Variants in TENM4 observed in about 807,000 individuals in gnomAD.
The protein encoded by TENM4 is teneurin transmembrane protein 4, also known as teneurin-4.
Under a neutral mutation model 243.3 loss-of-function variants are expected in TENM4, and 82 were observed. The ratio of observed to expected loss-of-function variants is 0.34; its 90% CI spans 0.28 to 0.40. The LOEUF (loss-of-function observed/expected upper bound fraction) is 0.40, where lower values mean the gene tolerates loss of function less well. Among genes scored for constraint, TENM4 ranks in the 10% least tolerant of loss-of-function variants. TENM4 has a pLI of 1.00. For synonymous variants in TENM4, 1,412 were observed against 1,456.3 expected (o/e 0.97, Z 0.69); for missense variants, 3,138 against 3,673.3 (o/e 0.85, Z 3.77).
chr11:78,933,446 T>G (rs1004440901), intron 6 of TENM4, among the ~76,000 whole-genome samples: 1 of 152,174 alleles, frequency 6.6e-6, no homozygotes, highest in Non-Finnish European at 1.5e-5. Flanking sequence ...TAAGGCATAA[T>G]TAAAGATTAG....
Position 78,669,093 on chromosome 11 carries a change from G to T in TENM4, c.7252C>A (p.Arg2418=). Residue 2418 remains arginine (R), a synonymous_variant, in exon 32 of 34, where the codon CGG becomes AGG. Coordinates refer to ENST00000278550, the MANE Select transcript of TENM4 (RefSeq NM_001098816.3). This position sits in a 1 kb window ranked among gnomAD's most constrained non-coding sequence, Gnocchi z 6.4. ...DPLTKLVHMG[R]RDYDVLAGRW... ...CCGGCCAGCACATCATAATCTCGCCGGCCCATGTGGACAAGCTTGGTGAGT... is the reference window on the plus strand; with the variant it reads ...CCGGCCAGCACATCATAATCTCGCCTGCCCATGTGGACAAGCTTGGTGAGT... The T allele has an allele frequency of 6.2e-7, 1 of 1,613,718 alleles. No homozygotes were observed. The highest frequency in any genetic ancestry group is 8.5e-7 in the Non-Finnish European group (1 of 1,179,804).
chr11:78,755,425 T>C (rs1856283711), intron 19 of TENM4, among the ~76,000 whole-genome samples: 1 of 152,136 alleles, frequency 6.6e-6, no homozygotes, highest in Non-Finnish European at 1.5e-5. Flanking sequence ...CGCCTGAGCC[T>C]CCCAGGGTGT....
At chr11:79,397,360 A>G (rs182031734) in intron 1 of TENM4, among the ~76,000 whole-genome samples, 71 of 152,318 alleles carry the variant, frequency 4.7e-4, no homozygotes, top group Non-Finnish European at 1.3e-4. Context: ...TAACTGGAAC[A>G]AAGCTGGAAA....
intron 28 of TENM4, among the ~76,000 whole-genome samples, chr11:78,696,885 T>C (rs1858980685): frequency 6.6e-6 from 1 of 152,134 alleles, no homozygotes; most frequent in African/African-American, 2.4e-5. Flanking sequence ...ATTTCTTTTC[T>C]TCCCTCATTC....
At chr11:78,947,476 A>G (rs1457380689) in intron 6 of TENM4, among the ~76,000 whole-genome samples, 1 of 152,220 alleles carries the variant, frequency 6.6e-6, no homozygotes, top group African/African-American at 2.4e-5. Flanking sequence ...GGAGACAGAC[A>G]AGACTTTATT....
intron 9 of TENM4, among the ~76,000 whole-genome samples, chr11:78,869,883 T>C (rs1003912430): frequency 1.3e-5 from 2 of 152,218 alleles, no homozygotes; most frequent in Non-Finnish European, 2.9e-5. Flanking sequence ...AGATAGTTTG[T>C]TAAGAGGCTT....
chr11:79,048,849 C>T (rs1219739967), intron 6 of TENM4, among the ~76,000 whole-genome samples: 1 of 152,140 alleles, frequency 6.6e-6, no homozygotes, highest in Non-Finnish European at 1.5e-5. Context: ...ACAGGATGGG[C>T]AGGGGCCATT....
At chr11:78,947,984 G>C (rs1445844788) in intron 6 of TENM4, among the ~76,000 whole-genome samples, 2 of 152,074 alleles carry the variant, frequency 1.3e-5, no homozygotes, top group African/African-American at 4.8e-5. Flanking sequence ...ATGAAAAAAA[G>C]CACCCAATCT....
chr11:79,210,199 C>G (rs1863930769), intron 3 of TENM4, among the ~76,000 whole-genome samples: 1 of 152,170 alleles, frequency 6.6e-6, no homozygotes, highest in South Asian at 2.1e-4. Context: ...TTTGACTTCC[C>G]AGTTCTCATC....
chr11:79,183,759 G>A (rs868399798), intron 3 of TENM4, among the ~76,000 whole-genome samples: 1 of 151,972 alleles, frequency 6.6e-6, no homozygotes, highest in Non-Finnish European at 1.5e-5. Flanking sequence ...ATGAATGAAC[G>A]AATGACTCAA....
intron 18 of TENM4, among the ~76,000 whole-genome samples, chr11:78,762,900 G>A (rs1856459803): frequency 6.6e-6 from 1 of 152,194 alleles, no homozygotes; most frequent in African/African-American, 2.4e-5. Context: ...AAAGCGTGCT[G>A]TAGGGACAGA....
At chr11:79,280,141 T>A (rs1030913520) in intron 2 of TENM4, among the ~76,000 whole-genome samples, 4 of 152,232 alleles carry the variant, frequency 2.6e-5, no homozygotes, top group Non-Finnish European at 4.4e-5. Flanking sequence ...GAAATAAATT[T>A]GTTCTTTATA....
At chr11:79,412,484 T>A (rs888254255) in intron 1 of TENM4, among the ~76,000 whole-genome samples, 4 of 152,220 alleles carry the variant, frequency 2.6e-5, no homozygotes, top group African/African-American at 9.6e-5. Context: ...AGCTGAATTA[T>A]CTGGAATCAA....
intron 4 of TENM4, among the ~76,000 whole-genome samples, chr11:79,111,385 A>T (rs558250426): frequency 1.3e-5 from 2 of 152,142 alleles, no homozygotes; most frequent in Non-Finnish European, 2.9e-5. Context: ...CTCTACTAAA[A>T]ATACAAAAGA....
At chr11:78,943,317 T>C (rs1421234212) in intron 6 of TENM4, among the ~76,000 whole-genome samples, 1 of 152,186 alleles carries the variant, frequency 6.6e-6, no homozygotes, top group Admixed American at 6.5e-5. Context: ...AGAAGGATCT[T>C]GACTCTTGGA....
At position 79,327,396 on chromosome 11, in the gene TENM4, A is replaced by C. The variant is rs1040777575; in HGVS notation, c.-320-29853T>G. On this transcript the variant is annotated intron_variant, in intron 1 of 33. Coordinates refer to ENST00000278550, the MANE Select transcript of TENM4 (RefSeq NM_001098816.3). ...GGTTTAGGGCCAATAGCAAAAGTAC[A>C]TTGGAAAGGACCATTTTACAGTTTC... is the stretch of plus-strand genomic sequence containing the variant. 2.2e-4 allele frequency among the ~76,000 whole-genome samples: 33 copies of C among 152,188 alleles called. 1 individual carries two copies. Among genetic ancestry groups the C allele is most frequent in the Admixed American group, 8.5e-4 (13 of 15,280 alleles).
intron 6 of TENM4, among the ~76,000 whole-genome samples, chr11:79,008,223 GA>G (rs984671182): frequency 7.2e-5 from 11 of 152,260 alleles, no homozygotes; most frequent in African/African-American, 2.6e-4. Flanking sequence ...CCTTAGCAAA[GA>G]AAAAATATGC....
chr11:78,955,506 C>T (rs1004904212), intron 6 of TENM4, among the ~76,000 whole-genome samples: 1 of 152,210 alleles, frequency 6.6e-6, no homozygotes, highest in Non-Finnish European at 1.5e-5. Context: ...AGCCTGGACA[C>T]ATAGCTAATG....
chr11:79,034,581 TA>T lies in TENM4; in HGVS notation c.493+30156del, dbSNP rs72065276. 2.8e-3 allele frequency among the ~76,000 whole-genome samples: 423 copies of T among 149,692 alleles called. 3 individuals carry two copies. The highest frequency in any genetic ancestry group is 9.3e-3 in the African/African-American group (369 of 39,664). ...GTAGAAAATATTGTGGAAGTTTAAT[TA>T]AAAAAAATTTTTTTTTAAATTAGGT... On this transcript the variant is annotated intron_variant, in intron 6 of 33. Coordinates refer to ENST00000278550, the MANE Select transcript of TENM4 (RefSeq NM_001098816.3).
Sources: gnomAD v4.1 joint callset for allele counts (sites outside exome capture counted in the v4.1 genomes callset) on GRCh38, gnomAD v4.1.1 for gene constraint, Gnocchi (gnomAD v3.1) non-coding constraint, MANE v1.5 for transcripts, NCBI Gene and HGNC (gene_info 2026-07-23, HGNC 2026-07-21) for gene names.